The following PRMT3 variants were observed in gnomAD, a reference collection of about 807,000 sequenced individuals.
PRMT3 encodes protein arginine N-methyltransferase 3.
PRMT3 carries 62 observed loss-of-function variants against 71.9 expected under a neutral mutation model. The observed-to-expected ratio is 0.86, with a 90% CI of 0.70 to 1.07. PRMT3 has a LOEUF of 1.07. Among genes scored for constraint, PRMT3 ranks in the 50% least tolerant of loss-of-function variants. The pLI, the probability that PRMT3 is intolerant of heterozygous loss-of-function variation, is 0.00. For missense variants in PRMT3, 663 were observed against 643.0 expected, an observed-to-expected ratio of 1.03 and a Z score of -0.34; for synonymous variants, 213 against 220.4, an observed-to-expected ratio of 0.97 and a Z score of 0.30.
At chr11:20,467,824 ATGT>A (rs1850548440) in intron 13 of PRMT3, among the ~76,000 whole-genome samples, 1 of 152,146 alleles carries the variant, frequency 6.6e-6, no homozygotes, top group South Asian at 2.1e-4. Context: ...CATATGTAAG[ATGT>A]TGTGGCCTAA....
chr11:20,413,784 A>G (rs528131755), intron 9 of PRMT3, among the ~76,000 whole-genome samples: 1 of 152,008 alleles, frequency 6.6e-6, no homozygotes, highest in African/African-American at 2.4e-5. Context: ...CCTCTCTTCA[A>G]CTCTGTTCTT....
At chr11:20,467,724 C>G (rs1850546113) in intron 13 of PRMT3, among the ~76,000 whole-genome samples, 1 of 152,148 alleles carries the variant, frequency 6.6e-6, no homozygotes. Flanking sequence ...TTTTCTTTAT[C>G]CTCTCAGAGT....
intron 7 of PRMT3, among the ~76,000 whole-genome samples, chr11:20,398,093 ATCAC>A (rs1848869447): frequency 6.6e-6 from 1 of 152,072 alleles, no homozygotes; most frequent in Non-Finnish European, 1.5e-5. Context: ...TTTTTATGAA[ATCAC>A]TTTTTCCTTA....
intron 15 of PRMT3, among the ~76,000 whole-genome samples, chr11:20,498,032 G>A (rs1851373044): frequency 6.6e-6 from 1 of 152,132 alleles, no homozygotes; most frequent in African/African-American, 2.4e-5. Context: ...AATATAAGAA[G>A]ACATTTAAAG....
At chr11:20,393,682 A>G (rs985838384) in intron 5 of PRMT3, 4 of 152,182 alleles carry the variant, frequency 2.6e-5, no homozygotes, top group African/African-American at 9.7e-5. Context: ...GAATCTTAAT[A>G]TTTACTGAAT....
At position 20,392,196 on chromosome 11, in the gene PRMT3, T is replaced by C. The variant is rs1294487900; in HGVS notation, c.248-15T>C. On this transcript the variant is annotated splice_polypyrimidine_tract_variant and intron_variant, in intron 3 of 15. Transcript: ENST00000331079. ...ATTATGTTAACATAGGTGAATTATCTTTTTCCCCCTTTAGGACTTGAATTT... is the reference window on the plus strand; with the variant it reads ...ATTATGTTAACATAGGTGAATTATCCTTTTCCCCCTTTAGGACTTGAATTT... 2 of 1,569,502 alleles carry C rather than the reference T, an allele frequency of 1.3e-6. No homozygotes were observed. Among genetic ancestry groups the C allele is most frequent in the Admixed American group, 3.5e-5 (2 of 56,428 alleles).
chr11:20,498,307 CGAA>C (rs1202558992), intron 15 of PRMT3, among the ~76,000 whole-genome samples: 5 of 152,058 alleles, frequency 3.3e-5, no homozygotes, highest in African/African-American at 4.8e-5. Context: ...TCAATTAACC[CGAA>C]GAAGGATAAG....
At chr11:20,415,017 G>GGTGTGTGTGTGTGT (rs377570784) in intron 9 of PRMT3, among the ~76,000 whole-genome samples, 40 of 135,428 alleles carry the variant, frequency 3.0e-4, no homozygotes, top group African/African-American at 8.9e-4. Context: ...TGGTGGTAGT[G>GGTGTGTGTGTGTGT]GTGTGTGTGT....
intron 7 of PRMT3, among the ~76,000 whole-genome samples, chr11:20,402,204 C>T (rs929839456): frequency 2.6e-5 from 4 of 152,042 alleles, no homozygotes; most frequent in Non-Finnish European, 5.9e-5. Context: ...ACCGCAACCT[C>T]CGCCTCCCGG....
At position 20,503,949 on chromosome 11, in the gene PRMT3, A is replaced by C. The variant is rs1189257869; in HGVS notation, c.1487-4355A>C. ...GCTATCTAACATCCCTAGGGCTAAC[A>C]CCATTGTGAATTCAGTTGTTCCACA... is the stretch of plus-strand genomic sequence containing the variant. On this transcript the variant is annotated intron_variant, in intron 15 of 15. Coordinates refer to ENST00000331079, the MANE Select transcript of PRMT3 (RefSeq NM_005788.4). 3.3e-5 allele frequency among the ~76,000 whole-genome samples: 5 copies of C among 152,280 alleles called. No homozygotes were observed. The East Asian group carries it at 9.6e-4, about 29-fold the overall frequency.
chr11:20,443,567 A>G (rs1849956870), intron 10 of PRMT3, among the ~76,000 whole-genome samples: 1 of 152,194 alleles, frequency 6.6e-6, no homozygotes, highest in African/African-American at 2.4e-5. Flanking sequence ...ATTGTAATAG[A>G]TATTCGTTGA....
At chr11:20,410,594 C>A (rs1219954983) in intron 9 of PRMT3, among the ~76,000 whole-genome samples, 1 of 151,842 alleles carries the variant, frequency 6.6e-6, no homozygotes, top group Non-Finnish European at 1.5e-5. Context: ...GTAATTCTAT[C>A]CAGATTTAAG....
chr11:20,488,308 T>G (rs1268308496), intron 13 of PRMT3, among the ~76,000 whole-genome samples: 1 of 152,180 alleles, frequency 6.6e-6, no homozygotes, highest in African/African-American at 2.4e-5. Flanking sequence ...ATGTTTGTAT[T>G]TTCATCTCCT....
At chr11:20,394,783 G>GT (rs929377489) in intron 5 of PRMT3, among the ~76,000 whole-genome samples, 4 of 151,472 alleles carry the variant, frequency 2.6e-5, no homozygotes, top group Middle Eastern at 3.2e-3. Context: ...GCTGCTGTGA[G>GT]TTTTTTTTTA....
chr11:20,501,005 C>T (rs1207274135), intron 15 of PRMT3, among the ~76,000 whole-genome samples: 1 of 152,156 alleles, frequency 6.6e-6, no homozygotes, highest in Non-Finnish European at 1.5e-5. Context: ...CTCATGTACT[C>T]CAGTTGTACA....
At chr11:20,405,363 A>T (rs186554657) in intron 8 of PRMT3, 29 of 152,328 alleles carry the variant, frequency 1.9e-4, no homozygotes, top group Admixed American at 5.9e-4. Context: ...TCATCATTTT[A>T]TAAAATAATG....
At chr11:20,452,670 G>A (rs1333085314) in intron 11 of PRMT3, among the ~76,000 whole-genome samples, 1 of 152,160 alleles carries the variant, frequency 6.6e-6, no homozygotes, top group African/African-American at 2.4e-5. Flanking sequence ...TTTCTAATGA[G>A]TTTTAAAAGT....
intron 15 of PRMT3, among the ~76,000 whole-genome samples, chr11:20,503,504 G>A (rs1040287466): frequency 1.3e-5 from 2 of 152,038 alleles, no homozygotes; most frequent in Non-Finnish European, 2.9e-5. Context: ...TCCCTGTATG[G>A]TCAGTCCCCA....
At chr11:20,403,221 T>C (rs180794921) in intron 8 of PRMT3, among the ~76,000 whole-genome samples, 2 of 152,348 alleles carry the variant, frequency 1.3e-5, no homozygotes, top group Admixed American at 6.5e-5. Context: ...AACTTAGTTA[T>C]AATGACATAG....
Sources: allele counts gnomAD v4.1 joint callset (sites outside exome capture counted in the v4.1 genomes callset), GRCh38; gene constraint gnomAD v4.1.1; transcripts MANE v1.5; gene names NCBI Gene and HGNC (gene_info 2026-07-23, HGNC 2026-07-21).